Variants in COL17A1 observed in about 807,000 individuals in gnomAD.
COL17A1 encodes the protein collagen type XVII alpha 1 chain.
A neutral mutation model predicts 218.4 loss-of-function variants in COL17A1; 181 were observed. That is an observed-to-expected ratio of 0.83 (90% CI 0.73 to 0.94). The LOEUF is 0.94. Ranked by LOEUF, COL17A1 falls within the 40% of genes least tolerant of loss-of-function variation. COL17A1 has a pLI of 0.00. For missense variants in COL17A1, 1,924 were observed against 1,945.9 expected (o/e 0.99, Z 0.21); for synonymous variants, 721 against 731.0 (o/e 0.99, Z 0.22).
At chr10:104,067,771 T>A (rs1390903316) in intron 9 of COL17A1, among the ~76,000 whole-genome samples, 1 of 151,390 alleles carries the variant, frequency 6.6e-6, no homozygotes, top group Non-Finnish European at 1.5e-5. Context: ...GCGAGTGCGC[T>A]GGCGCCCAGA....
intron 23 of COL17A1, among the ~76,000 whole-genome samples, chr10:104,052,805 G>A (rs1040497397): frequency 6.6e-5 from 10 of 152,174 alleles, no homozygotes; most frequent in African/African-American, 1.9e-4. Flanking sequence ...CTTTCCCGGT[G>A]GATTCCAGGG....
intron 11 of COL17A1, among the ~76,000 whole-genome samples, chr10:104,062,833 C>T (rs2086595063): frequency 6.6e-6 from 1 of 152,164 alleles, no homozygotes; most frequent in Admixed American, 6.5e-5. Flanking sequence ...TTCGAAGGCT[C>T]CTTGTTTATT....
Position 104,057,166 on chromosome 10 carries a change from T to C in COL17A1, c.1274A>G (p.His425Arg), listed in dbSNP as rs769178047. Residue 425 changes from histidine to arginine, a missense_variant, in exon 17 of 56, where the codon CAC (histidine) becomes CGC (arginine). Physicochemically the swap from His to Arg is conservative, Grantham distance 29 (BLOSUM62 0). Coordinates refer to ENST00000648076, the MANE Select transcript of COL17A1 (RefSeq NM_000494.4). ...ACCACCACCACTGCTGCCGTAGCTGTGGATATCTGTGAAAGAGACAGGGAA... is the reference window on the plus strand; with the variant it reads ...ACCACCACCACTGCTGCCGTAGCTGCGGATATCTGTGAAAGAGACAGGGAA... ...TKGKTTTADI[H>R]SYGSSGGGGS... The C allele has an allele frequency of 4.3e-6, 7 of 1,613,738 alleles. No individual in the cohort carries two copies. The highest frequency in any genetic ancestry group is 1.6e-4 in the Middle Eastern group (1 of 6,064).
At chr10:104,049,642 C>G (rs1053289590) in intron 28 of COL17A1, among the ~76,000 whole-genome samples, 171 bp from the exon 29 acceptor site, 1 of 152,314 alleles carries the variant, frequency 6.6e-6, no homozygotes, top group South Asian at 2.1e-4. Context: ...AGAAACCACA[C>G]CTAATCAGAA....
In COL17A1 at chr10:104,050,950, G is replaced by A. The variant is rs115583346; in HGVS notation, c.2039-49C>T. The A allele has an allele frequency of 5.6e-4, 910 of 1,613,432 alleles. 5 individuals carry two copies. In the African/African-American group the frequency reaches 0.011, roughly 19 times the overall value. ...ACACAGATGAGTATCCCTAGCTTTG[G>A]AATGATGAGACATGTATGCACACAC... is the stretch of plus-strand genomic sequence containing the variant. On this transcript the variant is annotated intron_variant, in intron 25 of 55. Coordinates refer to ENST00000648076, the MANE Select transcript of COL17A1 (RefSeq NM_000494.4).
Position 104,034,700 on chromosome 10 carries a change from C to G in COL17A1, c.3687G>C (p.Pro1229=). 6.2e-7 allele frequency: 1 copy of G among 1,610,468 alleles called. No individual in the cohort carries two copies. ...PPGPPGPRGP[P]GVSGALATYA... ...AGGTTGCCAGGGCTCCTGAGACACC[C>G]GGGGGCCCTCGAGGCCCTGGGGGAC... is the stretch of plus-strand genomic sequence containing the variant. Residue 1229 remains proline (P), a synonymous_variant, in exon 51 of 56, where the codon CCG becomes CCC. Coordinates refer to ENST00000648076, the MANE Select transcript of COL17A1 (RefSeq NM_000494.4).
intron 51 of COL17A1, 67 bp downstream of exon 51, chr10:104,034,554 G>A: frequency 6.4e-7 from 1 of 1,570,936 alleles, no homozygotes; most frequent in Non-Finnish European, 8.6e-7. Context: ...GTGCCTCCCT[G>A]CCCCACTTAC....
Position 104,053,963 on chromosome 10 carries a change from G to T in COL17A1, c.1791C>A (p.Gly597=). 6.2e-6 allele frequency: 10 copies of T among 1,610,314 alleles called. No homozygotes were observed. The highest frequency in any genetic ancestry group is 7.7e-6 in the Non-Finnish European group (9 of 1,176,450). Residue 597 remains glycine, a synonymous_variant, in exon 22 of 56, where the codon GGC becomes GGA. Coordinates refer to ENST00000648076, the MANE Select transcript of COL17A1 (RefSeq NM_000494.4). ...CCTTTGGTCCTTGTGGACCTGGGTG[G>T]CCCAAGGGCCCAGGGATACCTGTGA... ...PGTPGIPGPL[G]HPGPQGPKGQ...
intron 39 of COL17A1, among the ~76,000 whole-genome samples, 153 bp from the exon 40 acceptor site, chr10:104,040,563 C>CGAGT (rs1360036275): frequency 5.5e-5 from 8 of 146,430 alleles, no homozygotes; most frequent in African/African-American, 1.8e-4. Flanking sequence ...GATGAATGGG[C>CGAGT]GGGTGGGTGG....
chr10:104,073,097 C>T, intron 7 of COL17A1, 113 bp downstream of exon 7: 1 of 970,756 alleles, frequency 1.0e-6, no homozygotes, highest in South Asian at 1.3e-5. Context: ...AGAAAGCATG[C>T]CTTATTTATT....
In COL17A1 at chr10:104,041,130, A is replaced by T; in HGVS notation, c.2648-12T>A. ...TGGCAAACCCTCCCCTAGGAAAGAG[A>T]ACCCCCAAGACTTATTAGTGCCAAG... On this transcript the variant is annotated splice_polypyrimidine_tract_variant and intron_variant, in intron 38 of 55. Transcript: ENST00000648076. 1 of 1,610,270 alleles carries T rather than the reference A, an allele frequency of 6.2e-7. No individual in the cohort carries two copies. Among genetic ancestry groups the T allele is most frequent in the Non-Finnish European group, 8.5e-7 (1 of 1,178,678 alleles).
rs114359115 is a variant in COL17A1, at chr10:104,081,192, C to T, written c.-11-508G>A. On this transcript the variant is annotated intron_variant, in intron 1 of 55. Transcript: ENST00000648076. ...AGAATGGCACTTGATGGATTTAAATCAGGATAAAAATAATTATATTTGTCG... is the reference window on the plus strand; with the variant it reads ...AGAATGGCACTTGATGGATTTAAATTAGGATAAAAATAATTATATTTGTCG... Among the ~76,000 whole-genome samples, 959 of 152,204 alleles carry T rather than the reference C, an allele frequency of 6.3e-3. 11 individuals are homozygous for T. The highest frequency in any genetic ancestry group is 0.023 in the African/African-American group (937 of 41,504).
Position 104,062,157 on chromosome 10 carries a change from G to A in COL17A1, c.910+101C>T, listed in dbSNP as rs2086588401. 9 of 1,565,194 alleles carry A rather than the reference G, an allele frequency of 5.8e-6. No individual in the cohort carries two copies. In the Admixed American group the frequency reaches 6.7e-5, roughly 12 times the overall value. On this transcript the variant is annotated intron_variant, in intron 12 of 55. Coordinates refer to ENST00000648076, the MANE Select transcript of COL17A1 (RefSeq NM_000494.4). ...TGTTGTGTCTTTGGTGGGAAAGGTCGACTGATTTTCAGGGACATTTTGGGT... is the reference window on the plus strand; with the variant it reads ...TGTTGTGTCTTTGGTGGGAAAGGTCAACTGATTTTCAGGGACATTTTGGGT...
rs2086681762 is a variant in COL17A1 at position 104,073,107 on chromosome 10, T to A, written c.415+103A>T. ...AAAGCAGAAAGCATGCCTTATTTAT[T>A]CTTCTGTACTCCTTACACTCCCTGG... On this transcript the variant is annotated intron_variant, in intron 7 of 55. Coordinates refer to ENST00000648076, the MANE Select transcript of COL17A1 (RefSeq NM_000494.4). 8 of 1,052,032 alleles carry A rather than the reference T, an allele frequency of 7.6e-6. No individual in the cohort carries two copies. The Admixed American group carries it at 1.4e-4, about 18-fold the overall frequency. The allele number at this position is 1,052,032 out of a possible 1,614,324, so 65.2% of individuals were successfully genotyped here.
intron 25 of COL17A1, among the ~76,000 whole-genome samples, chr10:104,051,195 CAA>C (rs2086465853): frequency 6.6e-6 from 1 of 152,156 alleles, no homozygotes; most frequent in South Asian, 2.1e-4. Context: ...CCATAGGGGA[CAA>C]GAGAGAGGCA....
rs372334073 is a variant in COL17A1 at position 104,035,578 on chromosome 10, G to C, written c.3419-15C>G. On this transcript the variant is annotated splice_polypyrimidine_tract_variant and intron_variant, in intron 48 of 55. Coordinates refer to ENST00000648076, the MANE Select transcript of COL17A1 (RefSeq NM_000494.4). ...GATCCCAGAACCTAGGGAGGTGATG[G>C]ATTCAGATCAGGCAGGGGGAGGCAG... is the stretch of plus-strand genomic sequence containing the variant. 1 of 1,607,676 alleles carries C rather than the reference G, an allele frequency of 6.2e-7. No homozygotes were observed. Among genetic ancestry groups the C allele is most frequent in the Non-Finnish European group, 8.5e-7 (1 of 1,175,430 alleles).
chr10:104,053,926 T>C lies in COL17A1; in HGVS notation c.1828A>G (p.Ser610Gly). ...AGAAAAATGTGTTTCTTACCCACGC[T>C]GCCTTTTTGACCCTTTGGTCCTTGT... ...GPQGPKGQKG[S>G]VGDPGMEGPM... The change falls in exon 22 of 56, where the codon AGC (serine) becomes GGC (glycine). Residue 610 changes from serine (S) to glycine (G), a missense_variant. Physicochemically the swap from Ser to Gly is moderately conservative, Grantham distance 56 (BLOSUM62 0). Transcript: ENST00000648076. 2 of 1,580,484 alleles carry C rather than the reference T, an allele frequency of 1.3e-6. No homozygotes were observed. The highest frequency in any genetic ancestry group is 1.7e-6 in the Non-Finnish European group (2 of 1,149,360).
rs762902414 is a variant in COL17A1, at chr10:104,033,260, C to T, written c.4272G>A (p.Ala1424=). The change falls in exon 53 of 56, where the codon GCG becomes GCA. Residue 1424 remains alanine (A), a synonymous_variant. Coordinates refer to ENST00000648076, the MANE Select transcript of COL17A1 (RefSeq NM_000494.4). ...KVFSAYSNVT[A]DLMDFFQTYG... ...TACTTTGGAAGAAGTCCATGAGGTC[C>T]GCAGTCACGTTGCTGTAGGCAGAGA... is the stretch of plus-strand genomic sequence containing the variant. 2.8e-5 allele frequency: 45 copies of T among 1,589,764 alleles called. No individual in the cohort carries two copies. Among genetic ancestry groups the T allele is most frequent in the South Asian group, 5.7e-5 (5 of 87,178 alleles).
At position 104,052,856 on chromosome 10, in the gene COL17A1, C is replaced by T. The variant is rs547698814; in HGVS notation, c.1939+175G>A. 3.3e-5 allele frequency among the ~76,000 whole-genome samples: 5 copies of T among 152,310 alleles called. No individual in the cohort carries two copies. The South Asian group carries it at 1.0e-3, about 32-fold the overall frequency. On this transcript the variant is annotated intron_variant, in intron 23 of 55. Transcript: ENST00000648076. ...TCAGCCCTAGGCCTGGCCCTGTAGCCCAGCCTATGCCCAGCGTCTCTGCAG... is the reference window on the plus strand; with the variant it reads ...TCAGCCCTAGGCCTGGCCCTGTAGCTCAGCCTATGCCCAGCGTCTCTGCAG...
Sources: gnomAD v4.1 joint callset for allele counts (sites outside exome capture counted in the v4.1 genomes callset) on GRCh38, gnomAD v4.1.1 for gene constraint, MANE v1.5 for transcripts, NCBI Gene and HGNC (gene_info 2026-07-23, HGNC 2026-07-21) for gene names.